LRRC9: variants seen among roughly 807,000 people sequenced by gnomAD.
The protein encoded by LRRC9 is leucine-rich repeat-containing protein 9.
A neutral mutation model predicts 63.2 loss-of-function variants in LRRC9; 122 were observed. The observed-to-expected ratio is 1.93, with a 90% CI of 1.67 to 2.24. The LOEUF is 2.24. LRRC9 is among the 30% of genes most tolerant of loss of function. The pLI is 0.00. For synonymous variants in LRRC9, 366 were observed against 213.1 expected (o/e 1.72, Z -6.25); for missense variants, 1,071 against 627.7 (o/e 1.71, Z -7.55).
chr14:60,032,023 T>A (rs1194200572), exon 29 of LRRC9: 1 of 700,962 alleles, frequency 1.4e-6, no homozygotes, highest in East Asian at 2.7e-5. Flanking sequence ...AAACTTGACG[T>A]TATCTCTACT....
chr14:60,029,377 T>C lies in LRRC9; in HGVS notation c.3921+1276T>C, dbSNP rs970162101. On this transcript the variant is annotated intron_variant, in intron 28 of 31. Transcript: ENST00000445360. Reference sequence around the variant, plus strand: ...CTTCAAGTGAGATTCCATGAGGTGATCTTATATAGTAGGGGAGTGTTTCAT... The same window carrying C: ...CTTCAAGTGAGATTCCATGAGGTGACCTTATATAGTAGGGGAGTGTTTCAT... Among the ~76,000 whole-genome samples, 18 of 152,186 alleles carry C rather than the reference T, an allele frequency of 1.2e-4. 1 individual carries two copies. Among genetic ancestry groups the C allele is most frequent in the Admixed American group, 8.5e-4 (13 of 15,264 alleles).
intron 28 of LRRC9, chr14:60,030,394 C>T (rs868029904): frequency 6.6e-6 from 1 of 152,018 alleles, no homozygotes; most frequent in Admixed American, 6.6e-5. Context: ...GGAAGAATCA[C>T]AGAAACACAA....
intron 15 of LRRC9, among the ~76,000 whole-genome samples, chr14:59,980,214 A>T (rs552222392): frequency 2.0e-4 from 31 of 152,240 alleles, no homozygotes; most frequent in Non-Finnish European, 4.4e-5. Context: ...AAAGGTGGTC[A>T]ATTTTTTTAA....
chr14:59,929,832 G>C (rs898466271), intron 3 of LRRC9, among the ~76,000 whole-genome samples: 13 of 151,972 alleles, frequency 8.6e-5, no homozygotes, highest in Admixed American at 3.9e-4. Context: ...GAACAGAAAA[G>C]CAAATACCAC....
intron 23 of LRRC9, among the ~76,000 whole-genome samples, chr14:60,009,943 G>A (rs926658776): frequency 4.6e-5 from 7 of 152,212 alleles, no homozygotes; most frequent in South Asian, 2.1e-4. Flanking sequence ...TGCAAGAGGC[G>A]GGCTCCCACA....
At chr14:59,975,597 A>G (rs1016604866) in intron 13 of LRRC9, among the ~76,000 whole-genome samples, 1 of 152,092 alleles carries the variant, frequency 6.6e-6, no homozygotes, top group African/African-American at 2.4e-5. Context: ...TTCCACAAGT[A>G]TTTATTGAAT....
chr14:60,036,249 T>C (rs1057386965), intron 29 of LRRC9, among the ~76,000 whole-genome samples: 1 of 152,148 alleles, frequency 6.6e-6, no homozygotes, highest in East Asian at 1.9e-4. Context: ...TATATGAATT[T>C]TGGGGGCACA....
chr14:60,035,052 T>C (rs1418558044), intron 29 of LRRC9, among the ~76,000 whole-genome samples: 3 of 152,040 alleles, frequency 2.0e-5, no homozygotes, highest in Admixed American at 6.6e-5. Flanking sequence ...GGTAAAATGA[T>C]ACCACATTGT....
chr14:59,953,249 G>T (rs1415069845), intron 8 of LRRC9, among the ~76,000 whole-genome samples: 1 of 152,178 alleles, frequency 6.6e-6, no homozygotes, highest in Non-Finnish European at 1.5e-5. Flanking sequence ...CTTCCACAAT[G>T]GTTGAACTAA....
At chr14:59,963,102 T>A (rs1182372581) in intron 10 of LRRC9, among the ~76,000 whole-genome samples, 1 of 152,208 alleles carries the variant, frequency 6.6e-6, no homozygotes. Context: ...TGACTTCTCC[T>A]ATTAATATTT....
At chr14:59,945,796 T>A (rs1019648927) in intron 8 of LRRC9, among the ~76,000 whole-genome samples, 17 of 151,916 alleles carry the variant, frequency 1.1e-4, no homozygotes, top group Non-Finnish European at 1.8e-4. Context: ...TAAACTAGAA[T>A]TTTACAAGAG....
At chr14:59,994,595 A>C (rs1244057479) in intron 17 of LRRC9, among the ~76,000 whole-genome samples, 1 of 152,210 alleles carries the variant, frequency 6.6e-6, no homozygotes, top group Non-Finnish European at 1.5e-5. Context: ...ACAATAGCAA[A>C]GACTTGGAAC....
intron 8 of LRRC9, among the ~76,000 whole-genome samples, chr14:59,949,687 G>A (rs908108680): frequency 2.0e-5 from 3 of 150,982 alleles, no homozygotes; most frequent in Non-Finnish European, 3.0e-5. Context: ...CAGAGATTCT[G>A]GTATGTTGTG....
intron 17 of LRRC9, among the ~76,000 whole-genome samples, chr14:59,988,459 A>G (rs144327077): frequency 7.4e-4 from 113 of 152,266 alleles, no homozygotes; most frequent in African/African-American, 2.4e-3. Context: ...TATTACTTAC[A>G]TATATATACT....
At position 60,051,802 on chromosome 14, in the gene LRRC9, C is replaced by T. The variant is rs747182550; in HGVS notation, c.3991-1263C>T. ...TCCACACTGCTCTGTGTATCAGACCCAAAGCCCTGGAGACATGGGCTCACA... is the reference window on the plus strand; with the variant it reads ...TCCACACTGCTCTGTGTATCAGACCTAAAGCCCTGGAGACATGGGCTCACA... On this transcript the variant is annotated intron_variant, in intron 29 of 31. Coordinates refer to ENST00000445360, the Ensembl canonical transcript of LRRC9. The surrounding 1 kb of genome is among the most constrained non-coding windows in gnomAD (Gnocchi z 4.7). 1.2e-4 allele frequency among the ~76,000 whole-genome samples: 19 copies of T among 152,336 alleles called. No homozygotes were observed. The highest frequency in any genetic ancestry group is 6.5e-4 in the Admixed American group (10 of 15,308).
Position 59,932,068 on chromosome 14 carries a change from A to G in LRRC9, c.543+29A>G, listed in dbSNP as rs1216776741. ...TGTTTAAGTGGAATAATTAATTTTTATTTATCATCCTGAATCATGAACCAT... is the reference window on the plus strand; with the variant it reads ...TGTTTAAGTGGAATAATTAATTTTTGTTTATCATCCTGAATCATGAACCAT... On this transcript the variant is annotated intron_variant, in intron 6 of 31. Transcript: ENST00000445360. The surrounding 1 kb of genome is among the most constrained non-coding windows in gnomAD (Gnocchi z 4.7). 2 of 692,066 alleles carry G rather than the reference A, an allele frequency of 2.9e-6. No individual in the cohort carries two copies. Among genetic ancestry groups the G allele is most frequent in the Middle Eastern group, 4.7e-4 (2 of 4,294 alleles). 42.9% of individuals were successfully genotyped at this position (692,066 alleles called of 1,614,324 possible). A position where few individuals can be genotyped will look rare whatever the true frequency, so the allele number is the denominator to read the frequency against.
chr14:60,040,395 C>T lies in LRRC9; in HGVS notation c.3990+8332C>T, dbSNP rs539763502. 2.4e-4 allele frequency among the ~76,000 whole-genome samples: 36 copies of T among 151,960 alleles called. 1 individual carries two copies. Among genetic ancestry groups the T allele is most frequent in the African/African-American group, 7.5e-4 (31 of 41,274 alleles). Reference sequence around the variant, plus strand: ...TCCCATTATTATTGTGTAGGAGTCTCAGTCTCTTTGTACATCTCTAAGGAC... The same window carrying T: ...TCCCATTATTATTGTGTAGGAGTCTTAGTCTCTTTGTACATCTCTAAGGAC... On this transcript the variant is annotated intron_variant, in intron 29 of 31. Coordinates refer to ENST00000445360, the Ensembl canonical transcript of LRRC9.
At chr14:59,944,741 A>C in exon 8 of LRRC9, 1 of 666,042 alleles carries the variant, frequency 1.5e-6, no homozygotes, top group Non-Finnish European at 2.7e-6. Context: ...TTGTGAAGAA[A>C]ACTGTAAGAT....
chr14:60,003,678 T>C lies in LRRC9; in HGVS notation c.2722T>C (p.Leu908=). 4.3e-6 allele frequency: 3 copies of C among 693,684 alleles called. No individual in the cohort carries two copies. The highest frequency in any genetic ancestry group is 2.6e-6 in the Non-Finnish European group (1 of 382,056). The allele number at this position is 693,684 out of a possible 1,614,324, so 43.0% of individuals were successfully genotyped here. A position where few individuals can be genotyped will look rare whatever the true frequency, so the allele number is the denominator to read the frequency against. Residue 908 remains leucine, a synonymous_variant, in exon 21 of 32, where the codon TTG becomes CTG. Coordinates refer to ENST00000445360, the Ensembl canonical transcript of LRRC9. The surrounding 1 kb of genome is among the most constrained non-coding windows in gnomAD (Gnocchi z 4.2). ...TTTTGAAATCACAAATTTAGAAAAA[T>C]TGGAAAATTTGAAATGGGCATCATT...
Sources: allele counts gnomAD v4.1 joint callset (sites outside exome capture counted in the v4.1 genomes callset), GRCh38; gene constraint gnomAD v4.1.1; non-coding constraint Gnocchi (gnomAD v3.1); transcripts MANE v1.5; gene names NCBI Gene and HGNC (gene_info 2026-07-23, HGNC 2026-07-21).